Variants in ASTN2 observed in about 807,000 individuals in gnomAD.
ASTN2 encodes astrotactin 2.
In ASTN2, 54 loss-of-function variants were observed where a neutral mutation model predicts 139.8. The ratio of observed to expected loss-of-function variants is 0.39; its 90% CI spans 0.31 to 0.48. The LOEUF is 0.48. ASTN2 is among the 20% of genes least tolerant of loss of function. The pLI is 0.95. For missense variants in ASTN2, 1,565 were observed against 1,725.1 expected, an observed-to-expected ratio of 0.91 and a Z score of 1.64; for synonymous variants, 756 against 719.5, an observed-to-expected ratio of 1.05 and a Z score of -0.81.
intron 5 of ASTN2, among the ~76,000 whole-genome samples, chr9:117,086,283 C>G (rs1437253741): frequency 1.3e-5 from 2 of 152,138 alleles, no homozygotes; most frequent in Non-Finnish European, 1.5e-5. Context: ...AGGATTAAAA[C>G]TCAAGTCTTG....
At chr9:116,535,675 A>G (rs373317641) in intron 19 of ASTN2, among the ~76,000 whole-genome samples, 1 of 152,148 alleles carries the variant, frequency 6.6e-6, no homozygotes, top group East Asian at 1.9e-4. Flanking sequence ...AAGAATGTTG[A>G]ATATTAGCCT....
At chr9:117,363,034 G>C (rs965991187) in intron 1 of ASTN2, among the ~76,000 whole-genome samples, 28 of 152,110 alleles carry the variant, frequency 1.8e-4, no homozygotes, top group African/African-American at 5.8e-4. Flanking sequence ...GATCTCTCCT[G>C]CTTTTACAAT....
intron 10 of ASTN2, among the ~76,000 whole-genome samples, chr9:116,877,946 C>T (rs1833346853): frequency 6.6e-6 from 1 of 152,204 alleles, no homozygotes; most frequent in East Asian, 1.9e-4. Flanking sequence ...GGCCAACAAA[C>T]ATATGAAAAA....
chr9:116,579,798 C>G (rs937124971), intron 19 of ASTN2, among the ~76,000 whole-genome samples: 1 of 152,188 alleles, frequency 6.6e-6, no homozygotes, highest in Non-Finnish European at 1.5e-5. Context: ...ACAATTCCCC[C>G]TCACTGGCCC....
At chr9:116,467,901 G>C (rs997511522) in intron 20 of ASTN2, among the ~76,000 whole-genome samples, 2 of 152,164 alleles carry the variant, frequency 1.3e-5, no homozygotes, top group African/African-American at 4.8e-5. Flanking sequence ...TCCTACGATT[G>C]GCTCTGCAGC....
intron 19 of ASTN2, among the ~76,000 whole-genome samples, chr9:116,569,229 C>T (rs984620362): frequency 2.0e-5 from 3 of 152,184 alleles, no homozygotes; most frequent in Admixed American, 2.0e-4. Context: ...ACTGGCTAGC[C>T]GTGCAACCCA....
chr9:116,698,212 G>C lies in ASTN2; in HGVS notation c.2806+27559C>G. 2 of 1,614,158 alleles carry C rather than the reference G, an allele frequency of 1.2e-6. No individual in the cohort carries two copies. On this transcript the variant is annotated intron_variant, in intron 16 of 22. Coordinates refer to ENST00000313400, the MANE Select transcript of ASTN2 (RefSeq NM_001365068.1). The surrounding 1 kb of genome is among the most constrained non-coding windows in gnomAD (Gnocchi z 4.4). ...TTTGGAGAGAAGTTAACTCGTCTGC[G>C]GGAACTTATGGGGGAGCTGCAGCGG...
chr9:116,617,830 T>C (rs1855931145), intron 19 of ASTN2, among the ~76,000 whole-genome samples: 1 of 152,172 alleles, frequency 6.6e-6, no homozygotes, highest in East Asian at 1.9e-4. Flanking sequence ...TGAGTGATAA[T>C]CAAAGGTATC....
chr9:116,622,168 T>TTTGTATA (rs1400443283), intron 17 of ASTN2, among the ~76,000 whole-genome samples: 2 of 152,178 alleles, frequency 1.3e-5, no homozygotes, highest in African/African-American at 4.8e-5. Context: ...GTAGAACATG[T>TTTGTATA]TTGTATAAAG....
chr9:116,543,257 T>C (rs1014296667), intron 19 of ASTN2, among the ~76,000 whole-genome samples: 2 of 138,204 alleles, frequency 1.4e-5, no homozygotes, highest in African/African-American at 2.7e-5. Flanking sequence ...AACAAAACCC[T>C]ATCTGTATGA....
intron 3 of ASTN2, among the ~76,000 whole-genome samples, chr9:117,176,443 T>C (rs1011057467): frequency 6.6e-5 from 10 of 152,210 alleles, no homozygotes; most frequent in Non-Finnish European, 1.3e-4. Flanking sequence ...ATCCGATGTA[T>C]ACCACAAAAT....
intron 19 of ASTN2, among the ~76,000 whole-genome samples, chr9:116,527,863 T>A (rs1010009650): frequency 4.6e-5 from 7 of 152,176 alleles, no homozygotes; most frequent in African/African-American, 1.7e-4. Context: ...CCATGTAAGA[T>A]GTGCCTTGCT....
At chr9:116,590,729 C>T (rs1264382698) in intron 19 of ASTN2, among the ~76,000 whole-genome samples, 1 of 152,138 alleles carries the variant, frequency 6.6e-6, no homozygotes, top group Non-Finnish European at 1.5e-5. Context: ...TACAGTTCCT[C>T]CTCCCTGAAG....
At chr9:116,488,586 T>C (rs1053607022) in intron 19 of ASTN2, among the ~76,000 whole-genome samples, 1 of 152,240 alleles carries the variant, frequency 6.6e-6, no homozygotes, top group South Asian at 2.1e-4. Flanking sequence ...CAATAGGCTA[T>C]TTTATAGTCA....
At chr9:117,399,927 C>T (rs1213298299) in intron 1 of ASTN2, among the ~76,000 whole-genome samples, 1 of 152,228 alleles carries the variant, frequency 6.6e-6, no homozygotes, top group East Asian at 1.9e-4. Context: ...GTCATGAATA[C>T]AGAAGTGGAC....
chr9:117,273,888 ATGT>A (rs1446911195), intron 2 of ASTN2, among the ~76,000 whole-genome samples: 4 of 152,180 alleles, frequency 2.6e-5, no homozygotes, highest in African/African-American at 4.8e-5. Flanking sequence ...GATGACACAG[ATGT>A]TGTTGCTATG....
chr9:117,412,249 A>G (rs1400577499), intron 1 of ASTN2, among the ~76,000 whole-genome samples: 1 of 152,142 alleles, frequency 6.6e-6, no homozygotes, highest in Admixed American at 6.5e-5. Context: ...GGAGGAGGCA[A>G]GAACCCAATC....
intron 1 of ASTN2, among the ~76,000 whole-genome samples, chr9:117,339,547 A>G (rs927993788): frequency 6.6e-6 from 1 of 152,132 alleles, no homozygotes; most frequent in African/African-American, 2.4e-5. Flanking sequence ...ACAAAGAATA[A>G]AAAGAGAGAA....
intron 10 of ASTN2, among the ~76,000 whole-genome samples, chr9:116,942,077 C>T (rs559964931): frequency 0.013 from 656 of 52,474 alleles, 4 homozygotes; most frequent in African/African-American, 0.022. Flanking sequence ...TGCAAGTGCA[C>T]GTACGCACGC....
Sources: allele counts gnomAD v4.1 joint callset (sites outside exome capture counted in the v4.1 genomes callset), GRCh38; gene constraint gnomAD v4.1.1; non-coding constraint Gnocchi (gnomAD v3.1); transcripts MANE v1.5; gene names NCBI Gene and HGNC (gene_info 2026-07-23, HGNC 2026-07-21).